The following KAZN variants were observed in gnomAD, a reference collection of about 807,000 sequenced individuals.
The protein encoded by KAZN is kazrin.
KAZN carries 40 observed loss-of-function variants against 87.4 expected under a neutral mutation model. The ratio of observed to expected loss-of-function variants is 0.46; its 90% confidence interval spans 0.36 to 0.60. KAZN has a LOEUF of 0.60. Ranked by LOEUF, KAZN falls within the 20% of genes least tolerant of loss-of-function variation. The pLI is 0.00. For synonymous variants in KAZN, 466 were observed against 458.3 expected (o/e 1.02, Z -0.22); for missense variants, 898 against 1,073.9 (o/e 0.84, Z 2.29).
intron 2 of KAZN, among the ~76,000 whole-genome samples, chr1:14,321,585 G>T (rs1011971002): frequency 6.6e-6 from 1 of 152,140 alleles, no homozygotes; most frequent in African/African-American, 2.4e-5. Context: ...GGCAGCCCTA[G>T]CCAGCTGTGC....
In KAZN at chr1:15,099,066, G is replaced by A. The variant is rs745791901; in HGVS notation, c.1548-2477G>A. On this transcript the variant is annotated intron_variant, in intron 10 of 14. Transcript: ENST00000376030. The surrounding 1 kb of genome is among the most constrained non-coding windows in gnomAD (Gnocchi z 5.4). Reference sequence around the variant, plus strand: ...CAGCATGACATCTTGGAAGGCTTCCGGGAGACCAGACGTCTCTGCAGAGTC... The same window carrying A: ...CAGCATGACATCTTGGAAGGCTTCCAGGAGACCAGACGTCTCTGCAGAGTC... Among the ~76,000 whole-genome samples, 5 of 152,144 alleles carry A rather than the reference G, an allele frequency of 3.3e-5. No individual in the cohort carries two copies. The highest frequency in any genetic ancestry group is 4.1e-4 in the South Asian group (2 of 4,820).
intron 1 of KAZN, among the ~76,000 whole-genome samples, chr1:14,695,005 C>T (rs893448297): frequency 1.3e-5 from 2 of 152,194 alleles, no homozygotes; most frequent in African/African-American, 4.8e-5. Flanking sequence ...TCAGTCCCTA[C>T]TCTCTTGTCC....
intron 1 of KAZN, among the ~76,000 whole-genome samples, chr1:14,720,932 C>A (rs901338579): frequency 6.6e-6 from 1 of 152,172 alleles, no homozygotes; most frequent in African/African-American, 2.4e-5. Flanking sequence ...TGGGTGGAGA[C>A]CCTCCAGCCT....
chr1:14,186,424 A>G (rs1326802753), intron 2 of KAZN, among the ~76,000 whole-genome samples: 1 of 152,166 alleles, frequency 6.6e-6, no homozygotes. Context: ...GCTCATAGGA[A>G]AAGATAAAGC....
intron 1 of KAZN, among the ~76,000 whole-genome samples, chr1:14,875,863 ATTTCCTGC>A (rs1652713344): frequency 6.6e-6 from 1 of 152,188 alleles, no homozygotes; most frequent in Non-Finnish European, 1.5e-5. Flanking sequence ...GACCTCGGGA[ATTTCCTGC>A]TTTCCTGGAA....
chr1:13,894,057 G>T (rs907673540), intron 1 of KAZN, among the ~76,000 whole-genome samples: 1 of 152,132 alleles, frequency 6.6e-6, no homozygotes, highest in Non-Finnish European at 1.5e-5. Flanking sequence ...GGTGAAGGAG[G>T]GTGCGTCAGG....
intron 2 of KAZN, among the ~76,000 whole-genome samples, chr1:14,367,224 T>C (rs905003514): frequency 2.6e-5 from 4 of 152,046 alleles, no homozygotes. Context: ...GCAAGACTCT[T>C]GTCTCCAAAA....
At position 14,599,392 on chromosome 1, in the gene KAZN, G is replaced by A. The variant is rs919908848; in HGVS notation, c.226+169G>A. On this transcript the variant is annotated intron_variant, in intron 1 of 14. Transcript: ENST00000376030. This position sits in a 1 kb window ranked among gnomAD's most constrained non-coding sequence, Gnocchi z 4.4. ...CACCGCTGCTCTCCGGCTGGGAGTT[G>A]CAGGCTGCTGTCATTCACGAAAACC... is the stretch of plus-strand genomic sequence containing the variant. Among the ~76,000 whole-genome samples, 2 of 152,226 alleles carry A rather than the reference G, an allele frequency of 1.3e-5. No individual in the cohort carries two copies. The highest frequency in any genetic ancestry group is 4.1e-4 in the South Asian group (2 of 4,828).
At chr1:15,004,717 C>T (rs1168921660) in intron 2 of KAZN, among the ~76,000 whole-genome samples, 3 of 152,152 alleles carry the variant, frequency 2.0e-5, no homozygotes, top group Non-Finnish European at 2.9e-5. Flanking sequence ...CCTTTTTTAT[C>T]GGATCTTGCT....
intron 2 of KAZN, among the ~76,000 whole-genome samples, chr1:14,574,646 G>A (rs536282108): frequency 5.6e-4 from 85 of 152,154 alleles, no homozygotes; most frequent in African/African-American, 1.7e-3. Context: ...ACCCAGTCTC[G>A]GGTATGTCTT....
intron 1 of KAZN, among the ~76,000 whole-genome samples, chr1:14,634,153 C>T (rs1345401571): frequency 6.6e-6 from 1 of 152,118 alleles, no homozygotes; most frequent in African/African-American, 2.4e-5. Context: ...GTGTGTGTAT[C>T]TATAAGGCAA....
At chr1:14,094,633 A>G (rs1375399861) in intron 1 of KAZN, among the ~76,000 whole-genome samples, 1 of 152,234 alleles carries the variant, frequency 6.6e-6, no homozygotes, top group Non-Finnish European at 1.5e-5. Context: ...TGACAAGTTA[A>G]TATCACTTAT....
chr1:15,044,755 A>G (rs971961586), intron 4 of KAZN, among the ~76,000 whole-genome samples: 4 of 152,184 alleles, frequency 2.6e-5, no homozygotes, highest in East Asian at 1.9e-4. Flanking sequence ...GAAAGGAAAA[A>G]AAATTTTTTT....
intron 2 of KAZN, among the ~76,000 whole-genome samples, chr1:14,363,002 T>G (rs1659648943): frequency 6.6e-6 from 1 of 152,172 alleles, no homozygotes; most frequent in African/African-American, 2.4e-5. Flanking sequence ...TAGCCCATGC[T>G]GTATCTCACC....
intron 8 of KAZN, among the ~76,000 whole-genome samples, chr1:15,088,191 T>C (rs1431872538): frequency 1.3e-5 from 2 of 152,166 alleles, no homozygotes; most frequent in Non-Finnish European, 2.9e-5. Flanking sequence ...AGACAATAAA[T>C]AAACAAATGG....
At chr1:14,878,862 C>T (rs984814831) in intron 1 of KAZN, among the ~76,000 whole-genome samples, 1 of 152,158 alleles carries the variant, frequency 6.6e-6, no homozygotes, top group Non-Finnish European at 1.5e-5. Context: ...TATTCATGAA[C>T]GTATAAAATG....
chr1:14,094,487 T>C (rs1431014956), intron 1 of KAZN, among the ~76,000 whole-genome samples: 1 of 152,210 alleles, frequency 6.6e-6, no homozygotes, highest in African/African-American at 2.4e-5. Context: ...AATATGTAAA[T>C]GTTTAAATTA....
chr1:14,285,340 C>T (rs1327361989), intron 2 of KAZN, among the ~76,000 whole-genome samples: 1 of 152,218 alleles, frequency 6.6e-6, no homozygotes, highest in Non-Finnish European at 1.5e-5. Context: ...ACATTCTCCT[C>T]ACATCCCAGT....
At chr1:15,035,000 G>T in intron 3 of KAZN, 115 bp downstream of exon 3, 1 of 1,303,068 alleles carries the variant, frequency 7.7e-7, no homozygotes, top group African/African-American at 1.5e-5. Flanking sequence ...AGATAGGGAG[G>T]CCCTTGATGT....
Sources: allele counts gnomAD v4.1 joint callset (sites outside exome capture counted in the v4.1 genomes callset), GRCh38; gene constraint gnomAD v4.1.1; non-coding constraint Gnocchi (gnomAD v3.1); transcripts MANE v1.5; gene names NCBI Gene and HGNC (gene_info 2026-07-23, HGNC 2026-07-21).